SIPA1L3: variants seen among roughly 807,000 people sequenced by gnomAD.
SIPA1L3 encodes the protein signal induced proliferation associated 1 like 3, also known as signal-induced proliferation-associated 1-like protein 3.
SIPA1L3 carries 59 observed loss-of-function variants against 150.1 expected under a neutral mutation model. The ratio of observed to expected loss-of-function variants is 0.39; its 90% confidence interval spans 0.32 to 0.49. The LOEUF is 0.49. SIPA1L3 is among the 20% of genes least tolerant of loss of function. The pLI, the probability that SIPA1L3 is intolerant of heterozygous loss-of-function variation, is 0.86. For synonymous variants in SIPA1L3, 1,070 were observed against 1,077.6 expected, an observed-to-expected ratio of 0.99 and a Z score of 0.14; for missense variants, 2,211 against 2,489.5, an observed-to-expected ratio of 0.89 and a Z score of 2.38.
intron 2 of SIPA1L3, among the ~76,000 whole-genome samples, chr19:38,041,095 TTTTA>T (rs1480212447): frequency 7.8e-6 from 1 of 127,830 alleles, no homozygotes; most frequent in African/African-American, 3.9e-5. Context: ...CCTTTATTTA[TTTTA>T]TTATTATTAC....
rs142583037 is a variant in SIPA1L3 at position 38,002,166 on chromosome 19, A to T, written c.-378-26923A>T. On this transcript the variant is annotated intron_variant, in intron 1 of 21. Coordinates refer to ENST00000222345, the MANE Select transcript of SIPA1L3 (RefSeq NM_015073.3). ...CCACAGAACATTTTTCATCTTGTAA[A>T]CTGAAACTCTGTCTCTGAAAAACAA... Among the ~76,000 whole-genome samples the T allele has an allele frequency of 9.7e-4, 148 of 152,272 alleles. 2 individuals are homozygous for T. In the East Asian group the frequency reaches 0.019, roughly 20 times the overall value.
intron 1 of SIPA1L3, among the ~76,000 whole-genome samples, chr19:38,023,550 A>G (rs1330712724): frequency 6.6e-6 from 1 of 152,220 alleles, no homozygotes; most frequent in Non-Finnish European, 1.5e-5. Context: ...CTAAGTCATT[A>G]TTTCAAAGAC....
intron 3 of SIPA1L3, among the ~76,000 whole-genome samples, chr19:38,085,511 C>T (rs1970107935): frequency 1.3e-5 from 2 of 149,186 alleles, no homozygotes; most frequent in Admixed American, 6.7e-5. Flanking sequence ...AAGTTCCAGA[C>T]AGTTGCTTAC....
At position 37,930,834 on chromosome 19, in the gene SIPA1L3, C is replaced by A. The variant is rs547706723; in HGVS notation, c.-379+23476C>A. On this transcript the variant is annotated intron_variant, in intron 1 of 21. Transcript: ENST00000222345. Reference sequence around the variant, plus strand: ...GTGACATGCTTAGACACCCCTCCCCCCCAACCCCCAACAGCACCCGACCCA... The same window carrying A: ...GTGACATGCTTAGACACCCCTCCCCACCAACCCCCAACAGCACCCGACCCA... Among the ~76,000 whole-genome samples the A allele has an allele frequency of 1.1e-3, 168 of 151,948 alleles. 2 individuals are homozygous for A. Among genetic ancestry groups the A allele is most frequent in the Non-Finnish European group, 2.1e-3 (144 of 67,956 alleles).
At chr19:38,089,959 A>G (rs1405460597) in intron 4 of SIPA1L3, among the ~76,000 whole-genome samples, 5 of 152,092 alleles carry the variant, frequency 3.3e-5, no homozygotes, top group Admixed American at 3.3e-4. Flanking sequence ...TTCTTCTGCC[A>G]CTAACAAGCT....
intron 1 of SIPA1L3, among the ~76,000 whole-genome samples, chr19:37,914,387 T>TTTG (rs1259824316): frequency 1.3e-5 from 2 of 151,808 alleles, no homozygotes; most frequent in Non-Finnish European, 1.5e-5. Context: ...TTTTTTTTTT[T>TTTG]TGTGGCAGGG....
chr19:38,089,325 T>A (rs1214046256), intron 4 of SIPA1L3, among the ~76,000 whole-genome samples: 1 of 116,266 alleles, frequency 8.6e-6, no homozygotes, highest in African/African-American at 3.9e-5. Flanking sequence ...TGAGACTGTG[T>A]CTCAAAAAAA....
intron 1 of SIPA1L3, among the ~76,000 whole-genome samples, chr19:37,927,884 G>T (rs977346071): frequency 6.6e-6 from 1 of 152,088 alleles, no homozygotes; most frequent in Non-Finnish European, 1.5e-5. Flanking sequence ...TTTCATTCTT[G>T]TTTAATGGCT....
At chr19:38,032,763 A>T (rs2145724149) in intron 2 of SIPA1L3, among the ~76,000 whole-genome samples, 2 of 152,084 alleles carry the variant, frequency 1.3e-5, no homozygotes, top group South Asian at 4.1e-4. Flanking sequence ...CTGAGGTGGG[A>T]GGATCGCTTG....
intron 16 of SIPA1L3, among the ~76,000 whole-genome samples, chr19:38,189,094 T>G (rs1225693031): frequency 6.6e-6 from 1 of 151,796 alleles, no homozygotes; most frequent in Non-Finnish European, 1.5e-5. Flanking sequence ...TGTGGTCACC[T>G]CCTGCATATG....
chr19:38,169,828 G>A (rs1171704726), intron 15 of SIPA1L3, among the ~76,000 whole-genome samples: 3 of 152,264 alleles, frequency 2.0e-5, no homozygotes, highest in East Asian at 1.9e-4. Flanking sequence ...CAAGATGGGC[G>A]AGGCCCAGGC....
At chr19:38,039,508 G>A (rs868695338) in intron 2 of SIPA1L3, among the ~76,000 whole-genome samples, 22 of 151,714 alleles carry the variant, frequency 1.5e-4, no homozygotes, top group Admixed American at 1.2e-3. Flanking sequence ...AGCCTGGCCA[G>A]CATGGTGAAA....
chr19:38,070,874 T>C (rs1488984217), intron 2 of SIPA1L3, among the ~76,000 whole-genome samples: 2 of 152,056 alleles, frequency 1.3e-5, no homozygotes, highest in East Asian at 3.9e-4. Flanking sequence ...CCCTCCAGAG[T>C]GCTTGAGCCC....
chr19:37,993,560 C>T (rs966976874), intron 1 of SIPA1L3, among the ~76,000 whole-genome samples: 15 of 152,004 alleles, frequency 9.9e-5, no homozygotes, highest in African/African-American at 3.4e-4. Context: ...ATTATTAAAC[C>T]ATCCTAGAAA....
intron 1 of SIPA1L3, among the ~76,000 whole-genome samples, chr19:37,915,418 G>T (rs1318449006): frequency 2.0e-5 from 3 of 152,014 alleles, no homozygotes; most frequent in Admixed American, 1.3e-4. Flanking sequence ...GGCTCGCTCT[G>T]TTGCCCACGC....
chr19:38,142,980 A>G (rs1971627153), intron 12 of SIPA1L3, among the ~76,000 whole-genome samples: 1 of 152,170 alleles, frequency 6.6e-6, no homozygotes, highest in Admixed American at 6.5e-5. Flanking sequence ...AGCATCCACT[A>G]TCCAGCACGG....
At chr19:37,927,815 C>T (rs1441283495) in intron 1 of SIPA1L3, among the ~76,000 whole-genome samples, 1 of 151,998 alleles carries the variant, frequency 6.6e-6, no homozygotes, top group East Asian at 1.9e-4. Flanking sequence ...TCTGTTTGTG[C>T]ATTCATTCAC....
chr19:38,164,925 T>C lies in SIPA1L3; in HGVS notation c.4208+19T>C. On this transcript the variant is annotated intron_variant, in intron 15 of 21. Transcript: ENST00000222345. The surrounding 1 kb of genome is among the most constrained non-coding windows in gnomAD (Gnocchi z 4.1). ...AGCCCAGGTAAGCTGTTGCACCTAG[T>C]CTGGGTTCTAACCACCTTCCACTTC... 6.6e-7 allele frequency: 1 copy of C among 1,513,478 alleles called. No individual in the cohort carries two copies. Among genetic ancestry groups the C allele is most frequent in the Non-Finnish European group, 8.8e-7 (1 of 1,132,474 alleles). 93.8% of individuals were successfully genotyped at this position (1,513,478 alleles called of 1,614,324 possible). A position where few individuals can be genotyped will look rare whatever the true frequency, so the allele number is the denominator to read the frequency against.
chr19:38,070,191 C>CCTATCTATCTATCTATCTATCTATCTAT (rs10546386), intron 2 of SIPA1L3, among the ~76,000 whole-genome samples: 75 of 148,846 alleles, frequency 5.0e-4, no homozygotes, highest in African/African-American at 1.2e-3. Flanking sequence ...GATCTTCAGT[C>CCTATCTATCTATCTATCTATCTATCTAT]CTATCTATCT....
Sources: allele counts gnomAD v4.1 joint callset (sites outside exome capture counted in the v4.1 genomes callset), GRCh38; gene constraint gnomAD v4.1.1; non-coding constraint Gnocchi (gnomAD v3.1); transcripts MANE v1.5; gene names NCBI Gene and HGNC (gene_info 2026-07-23, HGNC 2026-07-21).